TULP4: variants seen among roughly 807,000 people sequenced by gnomAD.
The protein encoded by TULP4 is TUB like protein 4, also known as tubby-related protein 4.
TULP4 carries 16 observed loss-of-function variants against 129.0 expected under a neutral mutation model. That is an observed-to-expected ratio of 0.12 (90% CI 0.08 to 0.19). The LOEUF (loss-of-function observed/expected upper bound fraction) is 0.19. Among genes scored for constraint, TULP4 ranks in the 10% least tolerant of loss-of-function variants. The pLI is 1.00. For synonymous variants in TULP4, 998 were observed against 854.0 expected (o/e 1.17, Z -2.94); for missense variants, 1,842 against 2,059.1 (o/e 0.89, Z 2.04).
At position 158,503,851 on chromosome 6, in the gene TULP4, G is replaced by A. The variant is rs548923370; in HGVS notation, c.4188G>A (p.Leu1396=). The A allele has an allele frequency of 3.7e-6, 6 of 1,614,082 alleles. No individual in the cohort carries two copies. Among genetic ancestry groups the A allele is most frequent in the Non-Finnish European group, 5.1e-6 (6 of 1,180,040 alleles). The change falls in exon 13 of 14, where the codon TTG becomes TTA. Residue 1396 remains leucine (L), a synonymous_variant. Transcript: ENST00000367097. This position sits in a 1 kb window ranked among gnomAD's most constrained non-coding sequence, Gnocchi z 4.3. ...AAGACCAACTGAAGTCAAAGAAGTT[G>A]AATAAGACAAACGAGTTCCAGGACA... is the stretch of plus-strand genomic sequence containing the variant. ...SQKDQLKSKK[L]NKTNEFQDSS...
At chr6:158,262,280 G>A (rs745146) in intron 1 of TULP4, among the ~76,000 whole-genome samples, 50,268 of 152,098 alleles carry the variant, frequency 0.33, 9,310 homozygotes, top group Admixed American at 0.45. Context: ...GTAGGTTGGC[G>A]CAGCTTTGAC....
intron 1 of TULP4, among the ~76,000 whole-genome samples, chr6:158,245,296 A>C (rs1413941453): frequency 6.6e-6 from 1 of 151,952 alleles, no homozygotes; most frequent in African/African-American, 2.4e-5. Context: ...CACCCGGCCT[A>C]GACCCAATTT....
intron 1 of TULP4, among the ~76,000 whole-genome samples, chr6:158,316,763 A>C (rs1434696959): frequency 6.6e-6 from 1 of 152,184 alleles, no homozygotes; most frequent in African/African-American, 2.4e-5. Flanking sequence ...ACGTGGTACC[A>C]GCCAGGACTG....
intron 1 of TULP4, among the ~76,000 whole-genome samples, chr6:158,349,195 C>T (rs1186053897): frequency 1.3e-5 from 2 of 148,822 alleles, no homozygotes; most frequent in African/African-American, 4.9e-5. Context: ...CAGAGGCGCT[C>T]CTCACCTCTC....
At chr6:158,364,701 G>A (rs1347548590) in intron 1 of TULP4, among the ~76,000 whole-genome samples, 1 of 151,942 alleles carries the variant, frequency 6.6e-6, no homozygotes, top group African/African-American at 2.4e-5. Flanking sequence ...TTAATGTTTT[G>A]CAGCCTCACA....
chr6:158,280,507 G>A (rs1289449192), upstream of TULP4, among the ~76,000 whole-genome samples: 4 of 152,232 alleles, frequency 2.6e-5, no homozygotes, highest in African/African-American at 9.6e-5. Context: ...AAATTAACAA[G>A]TGCCTCATGC....
intron 1 of TULP4, among the ~76,000 whole-genome samples, chr6:158,365,878 TTTTTTTTTTTC>T (rs1780935743): frequency 3.1e-5 from 3 of 98,164 alleles, no homozygotes; most frequent in African/African-American, 7.6e-5. Context: ...CGTTTTTCTT[TTTTTTTTTTTC>T]TTTTTCTTTC....
At chr6:158,315,673 C>A (rs918734859) in intron 1 of TULP4, among the ~76,000 whole-genome samples, 1 of 152,142 alleles carries the variant, frequency 6.6e-6, no homozygotes, top group South Asian at 2.1e-4. Flanking sequence ...ACTGGGTAAT[C>A]CATAAACAAC....
intron 1 of TULP4, among the ~76,000 whole-genome samples, chr6:158,412,735 T>C (rs1778123712): frequency 6.6e-6 from 1 of 152,166 alleles, no homozygotes; most frequent in Non-Finnish European, 1.5e-5. Flanking sequence ...GTTGTTAAAA[T>C]AGTTTCCCCA....
Position 158,344,876 on chromosome 6 carries a change from A to G in TULP4, c.252+30608A>G, listed in dbSNP as rs114512535. On this transcript the variant is annotated intron_variant, in intron 1 of 13. Coordinates refer to ENST00000367097, the MANE Select transcript of TULP4 (RefSeq NM_020245.5). ...AGCTGAAAACCAGGCCTCTTGAGCC[A>G]AACTGTTAGCCAAGTTGTGAATGCA... Among the ~76,000 whole-genome samples the G allele has an allele frequency of 5.9e-3, 903 of 152,378 alleles. 12 individuals are homozygous for G. The highest frequency in any genetic ancestry group is 0.021 in the African/African-American group (859 of 41,586).
chr6:158,348,025 G>C (rs1183595844), intron 1 of TULP4, among the ~76,000 whole-genome samples: 1 of 151,454 alleles, frequency 6.6e-6, no homozygotes, highest in African/African-American at 2.4e-5. Context: ...TTATGTTTTA[G>C]AGAAAATACT....
At chr6:158,260,805 ATTTCT>A (rs200842804) in intron 1 of TULP4, among the ~76,000 whole-genome samples, 499 of 148,764 alleles carry the variant, frequency 3.4e-3, no homozygotes, top group African/African-American at 0.01. Context: ...GGAAAAGTGT[ATTTCT>A]TTTCTTTTCT....
chr6:158,306,444 GCTC>G (rs1439038563), intron 1 of TULP4, among the ~76,000 whole-genome samples: 1 of 152,170 alleles, frequency 6.6e-6, no homozygotes, highest in African/African-American at 2.4e-5. Flanking sequence ...TGTAGTCCCA[GCTC>G]CTCAAGAGTC....
rs185543691 is a variant in TULP4 at position 158,487,683 on chromosome 6, G to A, written c.1487-1905G>A. Among the ~76,000 whole-genome samples the A allele has an allele frequency of 5.5e-4, 84 of 152,376 alleles. 1 individual carries two copies. Among genetic ancestry groups the A allele is most frequent in the Admixed American group, 4.2e-3 (64 of 15,310 alleles). On this transcript the variant is annotated intron_variant, in intron 8 of 13. Coordinates refer to ENST00000367097, the MANE Select transcript of TULP4 (RefSeq NM_020245.5). ...CACCACCTCAGCCTCTGCAAATGTG[G>A]AGCTTATGTCATGCACTGAATTGCT...
chr6:158,413,820 A>G lies in TULP4; in HGVS notation c.381+627A>G, dbSNP rs140096469. Among the ~76,000 whole-genome samples the G allele has an allele frequency of 3.6e-3, 556 of 152,348 alleles. 3 individuals carry two copies. The highest frequency in any genetic ancestry group is 0.013 in the African/African-American group (526 of 41,570). ...CATGGTGCACCTTTTGTATGGGTTT[A>G]AGGACACACATTGGAGCAGGCAGCT... is the stretch of plus-strand genomic sequence containing the variant. On this transcript the variant is annotated intron_variant, in intron 2 of 13. Coordinates refer to ENST00000367097, the MANE Select transcript of TULP4 (RefSeq NM_020245.5). This position sits in a 1 kb window ranked among gnomAD's most constrained non-coding sequence, Gnocchi z 4.9.
At chr6:158,477,888 A>G (rs1223586324) in intron 6 of TULP4, among the ~76,000 whole-genome samples, 1 of 152,254 alleles carries the variant, frequency 6.6e-6, no homozygotes, top group Non-Finnish European at 1.5e-5. Context: ...TGGATAAAGA[A>G]AATGTGATAC....
intron 1 of TULP4, among the ~76,000 whole-genome samples, chr6:158,337,864 C>G (rs1023888653): frequency 4.6e-5 from 7 of 151,718 alleles, no homozygotes; most frequent in African/African-American, 1.7e-4. Flanking sequence ...ACAGAAGAAA[C>G]CAGAGGAATA....
At chr6:158,460,910 C>A (rs1290483154) in intron 5 of TULP4, among the ~76,000 whole-genome samples, 4 of 147,702 alleles carry the variant, frequency 2.7e-5, no homozygotes, top group Non-Finnish European at 1.5e-5. Context: ...CTTGCTGTCT[C>A]TTAAAAAAAA....
intron 1 of TULP4, among the ~76,000 whole-genome samples, chr6:158,316,881 A>G (rs141375510): frequency 1.1e-3 from 160 of 152,338 alleles, no homozygotes; most frequent in African/African-American, 3.8e-3. Context: ...AGAGGCCCTC[A>G]CTAGTCCCAG....
Sources: gnomAD v4.1 joint callset for allele counts (sites outside exome capture counted in the v4.1 genomes callset) on GRCh38, gnomAD v4.1.1 for gene constraint, Gnocchi (gnomAD v3.1) non-coding constraint, MANE v1.5 for transcripts, NCBI Gene and HGNC (gene_info 2026-07-23, HGNC 2026-07-21) for gene names.